The following PCDH15 variants were observed in gnomAD, a reference collection of about 807,000 sequenced individuals.
PCDH15 encodes protocadherin-15.
Under a neutral mutation model 178.5 loss-of-function variants are expected in PCDH15, and 129 were observed. That is an observed-to-expected ratio of 0.72 (90% CI 0.63 to 0.84). The LOEUF is 0.84. Ranked by LOEUF, PCDH15 falls within the 40% of genes least tolerant of loss-of-function variation. The pLI, the probability that PCDH15 is intolerant of heterozygous loss-of-function variation, is 0.00. For synonymous variants in PCDH15, 800 were observed against 732.0 expected (o/e 1.09, Z -1.50); for missense variants, 2,230 against 2,099.9 (o/e 1.06, Z -1.21).
chr10:54,132,153 CT>C (rs1366188917), intron 15 of PCDH15, among the ~76,000 whole-genome samples: 1 of 152,112 alleles, frequency 6.6e-6, no homozygotes, highest in Non-Finnish European at 1.5e-5. Context: ...TCTTATGATT[CT>C]TATGATTGGC....
chr10:55,083,504 C>G (rs924683615), intron 2 of PCDH15, among the ~76,000 whole-genome samples: 1 of 151,822 alleles, frequency 6.6e-6, no homozygotes, highest in Non-Finnish European at 1.5e-5. Flanking sequence ...AGATCTTGAA[C>G]AGGACAAGGA....
At chr10:54,600,224 A>G (rs2092460213) in intron 2 of PCDH15, 1 of 588,170 alleles carries the variant, frequency 1.7e-6, no homozygotes, top group South Asian at 1.7e-5. Context: ...AAAGAGACCA[A>G]AGAAGAGGGA....
chr10:55,576,631 A>C (rs919974142), intron 2 of PCDH15, among the ~76,000 whole-genome samples: 3 of 152,190 alleles, frequency 2.0e-5, no homozygotes, highest in African/African-American at 7.2e-5. Context: ...TTTAGTTTCA[A>C]ATCAATATGA....
At chr10:54,080,002 T>G (rs2094410888) in intron 16 of PCDH15, among the ~76,000 whole-genome samples, 1 of 152,146 alleles carries the variant, frequency 6.6e-6, no homozygotes, top group South Asian at 2.1e-4. Flanking sequence ...TTTGTAATGT[T>G]TCTTTTTGTA....
intron 18 of PCDH15, among the ~76,000 whole-genome samples, chr10:54,061,525 C>T (rs2094012705): frequency 6.8e-6 from 1 of 147,844 alleles, no homozygotes; most frequent in Non-Finnish European, 1.5e-5. Context: ...TTTTTATTTC[C>T]TTTTTTTTTT....
At chr10:55,319,529 GCAGAT>G (rs1275590465) in intron 1 of PCDH15, 2 of 152,210 alleles carry the variant, frequency 1.3e-5, no homozygotes, top group African/African-American at 4.8e-5. Flanking sequence ...CGCACTCCAA[GCAGAT>G]CTTCAGAGGG....
intron 4 of PCDH15, among the ~76,000 whole-genome samples, chr10:54,373,367 T>C (rs1228245314): frequency 3.3e-5 from 5 of 151,760 alleles, no homozygotes; most frequent in African/African-American, 9.7e-5. Flanking sequence ...TGGAAGACAG[T>C]GAAAGGAAAT....
chr10:54,431,871 A>G (rs1957004630), intron 3 of PCDH15, among the ~76,000 whole-genome samples: 1 of 152,158 alleles, frequency 6.6e-6, no homozygotes, highest in South Asian at 2.1e-4. Context: ...AGACTCTATC[A>G]AAAATCTATT....
chr10:55,023,324 C>T (rs573304294), intron 2 of PCDH15, among the ~76,000 whole-genome samples: 2 of 152,260 alleles, frequency 1.3e-5, no homozygotes, highest in Admixed American at 6.5e-5. Context: ...GTGAAGAAAA[C>T]TAATATTCAA....
intron 8 of PCDH15, among the ~76,000 whole-genome samples, chr10:54,313,243 A>T (rs950224140): frequency 1.3e-5 from 2 of 152,128 alleles, no homozygotes; most frequent in African/African-American, 4.8e-5. Flanking sequence ...TTCAGAGCAT[A>T]AAAAATTTCC....
In PCDH15 at chr10:54,153,111, A is replaced by C; in HGVS notation, c.1773T>G (p.Pro591=). ...CTAATATAAATTACCTTCGCTCTGC[A>C]GGAGGAGCATTATCCGCTGCTTGGA... is the stretch of plus-strand genomic sequence containing the variant. ...LTVQAADNAP[P]AERRNSICTV... is the part of the protein sequence containing the mutation. The change falls in exon 14 of 38, where the codon CCT becomes CCG. Residue 591 remains proline (P), a synonymous_variant. Coordinates refer to ENST00000644397, the MANE Select transcript of PCDH15 (RefSeq NM_001384140.1). 1 of 1,613,830 alleles carries C rather than the reference A, an allele frequency of 6.2e-7. No individual in the cohort carries two copies. The highest frequency in any genetic ancestry group is 1.1e-5 in the South Asian group (1 of 91,082).
At chr10:55,312,688 G>A (rs981415839) in intron 1 of PCDH15, among the ~76,000 whole-genome samples, 2 of 151,872 alleles carry the variant, frequency 1.3e-5, no homozygotes, top group African/African-American at 4.8e-5. Context: ...CACAATCTAG[G>A]CTCACCGCAA....
chr10:55,349,481 G>C (rs922143480), intron 2 of PCDH15, among the ~76,000 whole-genome samples: 3 of 151,946 alleles, frequency 2.0e-5, no homozygotes, highest in Admixed American at 6.6e-5. Context: ...TGGTGCTCTT[G>C]TTTTTTCAAG....
intron 25 of PCDH15, among the ~76,000 whole-genome samples, chr10:53,925,754 T>A (rs1404877093): frequency 6.6e-6 from 1 of 152,318 alleles, no homozygotes; most frequent in East Asian, 1.9e-4. Flanking sequence ...GCCCTTTCTA[T>A]GGTGTGTTCA....
intron 2 of PCDH15, among the ~76,000 whole-genome samples, chr10:55,521,705 G>A (rs1380452975): frequency 6.6e-6 from 1 of 151,748 alleles, no homozygotes; most frequent in Non-Finnish European, 1.5e-5. Flanking sequence ...TTTACATTGG[G>A]TATAGAGATG....
chr10:55,432,702 G>C (rs1838913528), intron 2 of PCDH15, among the ~76,000 whole-genome samples: 1 of 152,050 alleles, frequency 6.6e-6, no homozygotes. Context: ...ATTGTGTAAA[G>C]CCATGTGGCG....
chr10:54,753,516 A>AAACAAAC (rs1566132541), intron 1 of PCDH15, among the ~76,000 whole-genome samples: 2 of 151,246 alleles, frequency 1.3e-5, no homozygotes, highest in African/African-American at 4.9e-5. Flanking sequence ...AACAAACAAA[A>AAACAAAC]AAAAAAACTT....
intron 3 of PCDH15, among the ~76,000 whole-genome samples, chr10:54,843,840 T>G (rs965576507): frequency 6.6e-6 from 1 of 151,944 alleles, no homozygotes; most frequent in African/African-American, 2.4e-5. Flanking sequence ...GAGTCCCCAG[T>G]TGGAAAATAC....
At chr10:54,680,268 G>A (rs1274628054) in intron 1 of PCDH15, among the ~76,000 whole-genome samples, 1 of 151,936 alleles carries the variant, frequency 6.6e-6, no homozygotes, top group Non-Finnish European at 1.5e-5. Context: ...CAGTGTTCGA[G>A]GTTACTTTTT....
Sources: gnomAD v4.1 joint callset for allele counts (sites outside exome capture counted in the v4.1 genomes callset) on GRCh38, gnomAD v4.1.1 for gene constraint, MANE v1.5 for transcripts, NCBI Gene and HGNC (gene_info 2026-07-23, HGNC 2026-07-21) for gene names.